RAB3IP: variants seen among roughly 807,000 people sequenced by gnomAD.
The protein encoded by RAB3IP is RAB3A interacting protein.
RAB3IP carries 36 observed loss-of-function variants against 59.1 expected under a neutral mutation model. The observed-to-expected ratio is 0.61, with a 90% CI of 0.47 to 0.80. The LOEUF is 0.80. Ranked by LOEUF, RAB3IP falls within the 30% of genes least tolerant of loss-of-function variation. The pLI, the probability that RAB3IP is intolerant of heterozygous loss-of-function variation, is 0.00. For synonymous variants in RAB3IP, 207 were observed against 191.2 expected, an observed-to-expected ratio of 1.08 and a Z score of -0.68; for missense variants, 511 against 536.0, an observed-to-expected ratio of 0.95 and a Z score of 0.46.
chr12:69,800,940 T>C (rs1360518236), intron 7 of RAB3IP, among the ~76,000 whole-genome samples: 1 of 152,228 alleles, frequency 6.6e-6, no homozygotes, highest in Admixed American at 6.5e-5. Context: ...GTTAAGTCTT[T>C]CAAGCATTTA....
At position 69,795,130 on chromosome 12, in the gene RAB3IP, T is replaced by A; in HGVS notation, c.685-11T>A. ...ATTTAATGTATGTGACTATGTTGATTTCTTTCCAAGATTGATGTACTTCAA... is the reference window on the plus strand; with the variant it reads ...ATTTAATGTATGTGACTATGTTGATATCTTTCCAAGATTGATGTACTTCAA... On this transcript the variant is annotated splice_polypyrimidine_tract_variant and intron_variant, in intron 5 of 10. Coordinates refer to ENST00000247833, the MANE Select transcript of RAB3IP (RefSeq NM_022456.5). 1 of 1,606,862 alleles carries A rather than the reference T, an allele frequency of 6.2e-7. No homozygotes were observed. The highest frequency in any genetic ancestry group is 8.5e-7 in the Non-Finnish European group (1 of 1,174,274).
At chr12:69,782,813 TG>T (rs1874967567) in intron 3 of RAB3IP, among the ~76,000 whole-genome samples, 1 of 151,980 alleles carries the variant, frequency 6.6e-6, no homozygotes, top group African/African-American at 2.4e-5. Flanking sequence ...TTTTTTGTTT[TG>T]TTTTTTTTTG....
chr12:69,742,466 T>C (rs1346890931), intron 1 of RAB3IP, among the ~76,000 whole-genome samples: 3 of 152,214 alleles, frequency 2.0e-5, no homozygotes, highest in Non-Finnish European at 2.9e-5. Flanking sequence ...TTTTGGTATT[T>C]ATGAACTTTG....
At chr12:69,741,433 A>G (rs949813843) in intron 1 of RAB3IP, among the ~76,000 whole-genome samples, 34 of 152,332 alleles carry the variant, frequency 2.2e-4, no homozygotes, top group South Asian at 1.0e-3. Flanking sequence ...TGCACCTTCT[A>G]TTAAAGAGCT....
At chr12:69,747,905 G>A (rs935666827) in intron 1 of RAB3IP, among the ~76,000 whole-genome samples, 4 of 152,020 alleles carry the variant, frequency 2.6e-5, no homozygotes, top group Non-Finnish European at 5.9e-5. Flanking sequence ...TCTTCTTCAG[G>A]TACTGATGCT....
intron 8 of RAB3IP, among the ~76,000 whole-genome samples, chr12:69,811,199 A>G (rs1592631220): frequency 6.6e-6 from 1 of 152,158 alleles, no homozygotes. Flanking sequence ...ACATGGACAC[A>G]TAGAAGGGAA....
At chr12:69,745,150 C>T (rs1383158576) in intron 1 of RAB3IP, among the ~76,000 whole-genome samples, 3 of 152,198 alleles carry the variant, frequency 2.0e-5, no homozygotes, top group African/African-American at 7.2e-5. Flanking sequence ...ACTTCTCCCA[C>T]TTCTATATTA....
At chr12:69,772,335 A>T (rs1873266819) in intron 3 of RAB3IP, among the ~76,000 whole-genome samples, 1 of 151,922 alleles carries the variant, frequency 6.6e-6, no homozygotes, top group South Asian at 2.1e-4. Context: ...GGCAGCATGG[A>T]GTTGGGTCTT....
chr12:69,790,733 C>T (rs1876471861), intron 4 of RAB3IP, among the ~76,000 whole-genome samples: 1 of 151,996 alleles, frequency 6.6e-6, no homozygotes. Flanking sequence ...TACAGGTGTG[C>T]ACCACCACGC....
chr12:69,738,599 G>C (rs1006821758), upstream of RAB3IP: 3 of 151,848 alleles, frequency 2.0e-5, no homozygotes, highest in Non-Finnish European at 1.5e-5. Context: ...CGGGCCCGAC[G>C]AAACAGAGCG....
chr12:69,793,318 A>G (rs968488980), intron 4 of RAB3IP, among the ~76,000 whole-genome samples: 2 of 152,200 alleles, frequency 1.3e-5, no homozygotes, highest in Non-Finnish European at 2.9e-5. Flanking sequence ...GTGTTACAAT[A>G]CTGTAAAAGC....
At position 69,771,313 on chromosome 12, in the gene RAB3IP, T is replaced by A. The variant is rs937900402; in HGVS notation, c.511-13407T>A. Reference sequence around the variant, plus strand: ...TGGAAGGCCAAAGTGGGAGGATGGCTTGACCACAGGCCTTCAAGACCAGCC... The same window carrying A: ...TGGAAGGCCAAAGTGGGAGGATGGCATGACCACAGGCCTTCAAGACCAGCC... On this transcript the variant is annotated intron_variant, in intron 3 of 10. Transcript: ENST00000247833. Among the ~76,000 whole-genome samples, 4 of 152,214 alleles carry A rather than the reference T, an allele frequency of 2.6e-5. No individual in the cohort carries two copies. In the East Asian group the frequency reaches 7.7e-4, roughly 29 times the overall value.
At chr12:69,803,314 T>C (rs1229223652) in intron 8 of RAB3IP, among the ~76,000 whole-genome samples, 1 of 152,088 alleles carries the variant, frequency 6.6e-6, no homozygotes, top group Admixed American at 6.5e-5. Flanking sequence ...GAAGATACTG[T>C]CTTCCTTTAT....
chr12:69,822,705 G>A lies in RAB3IP; in HGVS notation c.*7259G>A, dbSNP rs1565949918. The A allele has an allele frequency of 6.6e-6, 1 of 152,162 alleles. No homozygotes were observed. The highest frequency in any genetic ancestry group is 2.4e-5 in the African/African-American group (1 of 41,418). 9.4% of individuals were successfully genotyped at this position (152,162 alleles called of 1,614,324 possible). A position where few individuals can be genotyped will look rare whatever the true frequency, so the allele number is the denominator to read the frequency against. ...TTCTCAACACAAATGATAAATGTTT[G>A]AGGTGATGGATACCCCAATTACCCT... On this transcript the variant is annotated 3_prime_UTR_variant, in exon 11 of 11. Coordinates refer to ENST00000247833, the MANE Select transcript of RAB3IP (RefSeq NM_022456.5).
rs1356107959 is a variant in RAB3IP, at chr12:69,815,454, C to T, written c.*8C>T. 5.7e-6 allele frequency: 9 copies of T among 1,591,130 alleles called. No individual in the cohort carries two copies. Among genetic ancestry groups the T allele is most frequent in the Middle Eastern group, 1.7e-4 (1 of 6,030 alleles). On this transcript the variant is annotated 3_prime_UTR_variant, in exon 11 of 11. Transcript: ENST00000247833. ...TTCAAAGAGGAACTCTGATGCTCTG[C>T]GTGGGACCATGCCTGAACTCCCCGA...
At chr12:69,772,605 C>T (rs974191795) in intron 3 of RAB3IP, among the ~76,000 whole-genome samples, 4 of 152,024 alleles carry the variant, frequency 2.6e-5, no homozygotes, top group African/African-American at 9.7e-5. Context: ...ATGAGGCTTA[C>T]AAAAAACATA....
intron 3 of RAB3IP, among the ~76,000 whole-genome samples, chr12:69,760,283 G>A (rs1053074376): frequency 3.3e-5 from 5 of 152,382 alleles, no homozygotes; most frequent in Admixed American, 6.5e-5. Context: ...GGCAGGCTGA[G>A]GCAGGAGAAT....
At chr12:69,746,494 C>T (rs946513524) in intron 1 of RAB3IP, among the ~76,000 whole-genome samples, 2 of 152,164 alleles carry the variant, frequency 1.3e-5, no homozygotes, top group Non-Finnish European at 2.9e-5. Context: ...TCTTCCCTCC[C>T]CACAACCCTC....
At chr12:69,757,745 G>A (rs1056377552) in intron 3 of RAB3IP, among the ~76,000 whole-genome samples, 38 of 152,280 alleles carry the variant, frequency 2.5e-4, no homozygotes, top group African/African-American at 9.1e-4. Flanking sequence ...CAAAGGAAAA[G>A]GATGTGGTGA....
Sources: gnomAD v4.1 joint callset for allele counts (sites outside exome capture counted in the v4.1 genomes callset) on GRCh38, gnomAD v4.1.1 for gene constraint, MANE v1.5 for transcripts, NCBI Gene and HGNC (gene_info 2026-07-23, HGNC 2026-07-21) for gene names.